CFAP57: variants seen among roughly 807,000 people sequenced by gnomAD.
CFAP57 encodes the protein cilia- and flagella-associated protein 57.
In CFAP57, 116 loss-of-function variants were observed where a neutral mutation model predicts 146.8. The ratio of observed to expected loss-of-function variants is 0.79; its 90% CI spans 0.68 to 0.92. The LOEUF (loss-of-function observed/expected upper bound fraction) is 0.92, where lower values mean the gene tolerates loss of function less well. Ranked by LOEUF, CFAP57 falls within the 40% of genes least tolerant of loss-of-function variation. The pLI is 0.00. For missense variants in CFAP57, 1,377 were observed against 1,527.2 expected (o/e 0.90, Z 1.64); for synonymous variants, 518 against 552.8 (o/e 0.94, Z 0.88).
At chr1:43,243,150 C>G in intron 21 of CFAP57, 77 bp from the exon 22 acceptor site, 1 of 1,477,002 alleles carries the variant, frequency 6.8e-7, no homozygotes, top group African/African-American at 1.4e-5. Context: ...CCCATACACT[C>G]AGCCCAGGAG....
At chr1:43,203,867 G>A (rs1174307645) in intron 9 of CFAP57, among the ~76,000 whole-genome samples, 2 of 152,208 alleles carry the variant, frequency 1.3e-5, no homozygotes, top group East Asian at 1.9e-4. Context: ...CTTCTTGGAT[G>A]TGTAGGTTAA....
At chr1:43,234,912 G>C (rs918437302) in intron 21 of CFAP57, among the ~76,000 whole-genome samples, 2 of 151,900 alleles carry the variant, frequency 1.3e-5, no homozygotes, top group African/African-American at 2.4e-5. Flanking sequence ...CCACATACCC[G>C]ATTCCTCTTT....
At chr1:43,184,891 A>G (rs1557735418) in intron 4 of CFAP57, 3 of 446,776 alleles carry the variant, frequency 6.7e-6, no homozygotes, top group Non-Finnish European at 1.2e-5. Flanking sequence ...GTTTGGCCCA[A>G]GCATACCTGC....
intron 6 of CFAP57, among the ~76,000 whole-genome samples, chr1:43,190,571 C>T (rs1188249048): frequency 6.6e-6 from 1 of 151,738 alleles, no homozygotes; most frequent in Non-Finnish European, 1.5e-5. Flanking sequence ...TGCCCGGCTG[C>T]ATCCAGTCTT....
rs983889755 is a variant in CFAP57 at position 43,201,758 on chromosome 1, G to C, written c.1542+2255G>C. ...AGCCTCCTGAGTAGCTGGGATTACAGGCATGTACCACCACACCCGGGTAAT... is the reference window on the plus strand; with the variant it reads ...AGCCTCCTGAGTAGCTGGGATTACACGCATGTACCACCACACCCGGGTAAT... On this transcript the variant is annotated intron_variant, in intron 9 of 22. Transcript: ENST00000372492. The surrounding 1 kb of genome is among the most constrained non-coding windows in gnomAD (Gnocchi z 4.4). 1.3e-5 allele frequency among the ~76,000 whole-genome samples: 2 copies of C among 152,218 alleles called. No homozygotes were observed. Among genetic ancestry groups the C allele is most frequent in the Admixed American group, 6.5e-5 (1 of 15,284 alleles).
chr1:43,231,350 C>T (rs768539903), intron 18 of CFAP57, among the ~76,000 whole-genome samples: 7 of 151,990 alleles, frequency 4.6e-5, no homozygotes, highest in Admixed American at 6.6e-5. Context: ...TCTACCTAGC[C>T]GTGAAAAAAT....
chr1:43,241,252 C>T (rs772070798), intron 21 of CFAP57, among the ~76,000 whole-genome samples: 42 of 152,200 alleles, frequency 2.8e-4, no homozygotes, highest in Non-Finnish European at 1.5e-5. Context: ...CCAAATACCT[C>T]CCTCTAGGCC....
intron 2 of CFAP57, 134 bp from the exon 3 acceptor site, chr1:43,181,400 A>G (rs1392056562): frequency 1.0e-5 from 11 of 1,050,940 alleles, no homozygotes; most frequent in Non-Finnish European, 1.4e-5. Context: ...ACCCAAACAC[A>G]GCTATGCCAA....
intron 21 of CFAP57, among the ~76,000 whole-genome samples, chr1:43,236,949 G>A (rs377281765): frequency 5.9e-5 from 9 of 151,328 alleles, no homozygotes; most frequent in Middle Eastern, 3.5e-3. Context: ...CTTCATCCAA[G>A]CAAAGGACCT....
At chr1:43,227,499 A>G (rs1328016658) in intron 18 of CFAP57, among the ~76,000 whole-genome samples, 1 of 152,128 alleles carries the variant, frequency 6.6e-6, no homozygotes, top group Non-Finnish European at 1.5e-5. Context: ...TTTTTTTCTC[A>G]AACTGGAAAT....
At chr1:43,234,949 C>T (rs942665603) in intron 21 of CFAP57, among the ~76,000 whole-genome samples, 4 of 152,136 alleles carry the variant, frequency 2.6e-5, no homozygotes, top group African/African-American at 9.7e-5. Context: ...CCAGAGCACA[C>T]CTGTGTCCCC....
Position 43,222,981 on chromosome 1 carries a change from G to T in CFAP57, c.2690G>T (p.Gly897Val). The T allele has an allele frequency of 6.5e-7, 1 of 1,549,390 alleles. No homozygotes were observed. The highest frequency in any genetic ancestry group is 8.7e-7 in the Non-Finnish European group (1 of 1,146,330). The change falls in exon 16 of 23, where the codon GGC (glycine) becomes GTC (valine). Residue 897 changes from glycine (G) to valine (V), a missense_variant. Physicochemically the swap from Gly to Val is moderately radical, Grantham distance 109. Transcript: ENST00000372492. ...AACCTGCGGCTCAAGGGAGAAACAG[G>T]CATCATGAGGAAGAAGGTAGCAGGC... Reference protein sequence around the residue: ...ESNLRLKGETGIMRKKFSSLQ... With the variant: ...ESNLRLKGETVIMRKKFSSLQ...
At chr1:43,207,163 CT>C (rs2124477544) in intron 10 of CFAP57, among the ~76,000 whole-genome samples, 1 of 152,280 alleles carries the variant, frequency 6.6e-6, no homozygotes, top group South Asian at 2.1e-4. Flanking sequence ...TTGCGGGGCT[CT>C]TTTTCATTTC....
intron 12 of CFAP57, among the ~76,000 whole-genome samples, chr1:43,218,237 T>A (rs1644912054): frequency 6.6e-6 from 1 of 152,178 alleles, no homozygotes. Context: ...CAACATTAAC[T>A]TTTTAAGGAA....
At chr1:43,218,453 T>G (rs1382870124) in intron 12 of CFAP57, among the ~76,000 whole-genome samples, 1 of 151,378 alleles carries the variant, frequency 6.6e-6, no homozygotes, top group African/African-American at 2.4e-5. Context: ...ATATAAAATA[T>G]AAAAATTAGC....
intron 22 of CFAP57, among the ~76,000 whole-genome samples, chr1:43,249,663 T>C (rs192668097): frequency 1.0e-4 from 15 of 146,324 alleles, no homozygotes; most frequent in Admixed American, 9.1e-4. Flanking sequence ...CAGACTGGTC[T>C]CGAACTCCTG....
chr1:43,184,806 CCTT>C (rs990257781), intron 4 of CFAP57: 1 of 208,598 alleles, frequency 4.8e-6, no homozygotes, highest in African/African-American at 2.9e-5. Flanking sequence ...GTCTCTATAA[CCTT>C]CTCCAGGAGC....
intron 18 of CFAP57, among the ~76,000 whole-genome samples, 165 bp from the exon 19 acceptor site, chr1:43,232,342 GA>G: frequency 6.6e-6 from 1 of 152,192 alleles, no homozygotes; most frequent in East Asian, 1.9e-4. Flanking sequence ...GAGCTGTTAG[GA>G]AAGCAAGTAG....
At chr1:43,223,200 C>T (rs933755618) in intron 16 of CFAP57, among the ~76,000 whole-genome samples, 77 of 152,220 alleles carry the variant, frequency 5.1e-4, no homozygotes, top group Non-Finnish European at 2.8e-4. Context: ...GGCAGCTGCA[C>T]GGGCTTCCCT....
Sources: allele counts gnomAD v4.1 joint callset (sites outside exome capture counted in the v4.1 genomes callset), GRCh38; gene constraint gnomAD v4.1.1; non-coding constraint Gnocchi (gnomAD v3.1); transcripts MANE v1.5; gene names NCBI Gene and HGNC (gene_info 2026-07-23, HGNC 2026-07-21).